Variants in SORCS3 observed in about 807,000 individuals in gnomAD.
SORCS3 encodes the protein sortilin related VPS10 domain containing receptor 3.
SORCS3 carries 57 observed loss-of-function variants against 146.3 expected under a neutral mutation model. That is an observed-to-expected ratio of 0.39 (90% CI 0.31 to 0.49). SORCS3 has a LOEUF of 0.49. SORCS3 is among the 20% of genes least tolerant of loss of function. SORCS3 has a pLI of 0.92. For missense variants in SORCS3, 1,341 were observed against 1,575.5 expected (o/e 0.85, Z 2.52); for synonymous variants, 653 against 618.5 (o/e 1.06, Z -0.83).
intron 6 of SORCS3, among the ~76,000 whole-genome samples, chr10:105,103,793 A>G (rs931010419): frequency 1.3e-4 from 20 of 152,350 alleles, no homozygotes; most frequent in Admixed American, 4.6e-4. Flanking sequence ...AAATAGTTAT[A>G]TACAGCATGT....
chr10:104,891,769 A>C (rs2018752078), intron 2 of SORCS3, among the ~76,000 whole-genome samples: 1 of 152,084 alleles, frequency 6.6e-6, no homozygotes, highest in African/African-American at 2.4e-5. Flanking sequence ...CAAAAAAGTG[A>C]GTTGTTGCCT....
At chr10:105,136,865 A>G (rs950805186) in intron 7 of SORCS3, among the ~76,000 whole-genome samples, 3 of 152,122 alleles carry the variant, frequency 2.0e-5, no homozygotes, top group African/African-American at 7.2e-5. Context: ...ACCATTCGAC[A>G]ATGCATTTAA....
At chr10:104,675,421 G>GT (rs1008787966) in intron 1 of SORCS3, among the ~76,000 whole-genome samples, 13 of 152,146 alleles carry the variant, frequency 8.5e-5, no homozygotes, top group Non-Finnish European at 1.9e-4. Context: ...ACAATTGAGT[G>GT]TTTTTTTCTT....
chr10:105,231,575 A>C (rs2056765913), intron 20 of SORCS3, among the ~76,000 whole-genome samples: 1 of 152,168 alleles, frequency 6.6e-6, no homozygotes, highest in African/African-American at 2.4e-5. Context: ...GTGAGAGGGA[A>C]CGTCCTTGCT....
intron 1 of SORCS3, among the ~76,000 whole-genome samples, chr10:104,687,810 C>T (rs571891638): frequency 6.6e-6 from 1 of 152,198 alleles, no homozygotes; most frequent in East Asian, 1.9e-4. Context: ...GCTGTGTGCC[C>T]TAAGTTCTAA....
intron 3 of SORCS3, among the ~76,000 whole-genome samples, chr10:104,940,238 A>ATTTTTTT (rs1186082602): frequency 1.9e-4 from 6 of 31,496 alleles, no homozygotes; most frequent in Non-Finnish European, 2.4e-4. Context: ...ATATATATAT[A>ATTTTTTT]TTTTTTTTTT....
chr10:105,076,149 T>C (rs998620660), intron 5 of SORCS3, among the ~76,000 whole-genome samples: 2 of 152,206 alleles, frequency 1.3e-5, no homozygotes, highest in Non-Finnish European at 2.9e-5. Context: ...TTTTGATTGT[T>C]ATATCAATTT....
intron 25 of SORCS3, among the ~76,000 whole-genome samples, chr10:105,261,225 T>G (rs562858104): frequency 2.6e-5 from 4 of 152,292 alleles, no homozygotes; most frequent in East Asian, 3.9e-4. Flanking sequence ...GTTGCATCGT[T>G]TCATGTTTAT....
chr10:104,692,672 G>T (rs1385702652), intron 1 of SORCS3, among the ~76,000 whole-genome samples: 1 of 152,190 alleles, frequency 6.6e-6, no homozygotes, highest in Non-Finnish European at 1.5e-5. Context: ...ACATTTTCAA[G>T]TGTTAAATAA....
At chr10:104,760,047 G>C (rs1423835903) in intron 1 of SORCS3, among the ~76,000 whole-genome samples, 1 of 152,240 alleles carries the variant, frequency 6.6e-6, no homozygotes, top group Non-Finnish European at 1.5e-5. Context: ...ACAGGAGTCG[G>C]TCATGCAAAG....
intron 1 of SORCS3, among the ~76,000 whole-genome samples, chr10:104,737,291 C>A (rs959683189): frequency 1.3e-5 from 2 of 151,952 alleles, no homozygotes; most frequent in African/African-American, 4.8e-5. Flanking sequence ...TGGGTATATA[C>A]CCAGTAATGG....
At chr10:104,936,454 A>G (rs1022268669) in intron 3 of SORCS3, among the ~76,000 whole-genome samples, 3 of 152,166 alleles carry the variant, frequency 2.0e-5, no homozygotes, top group African/African-American at 2.4e-5. Context: ...GAGGATTTCA[A>G]CTTGAGTGGC....
intron 3 of SORCS3, among the ~76,000 whole-genome samples, chr10:104,945,186 T>A (rs2019357352): frequency 6.6e-6 from 1 of 152,196 alleles, no homozygotes; most frequent in Admixed American, 6.5e-5. Flanking sequence ...TTGTGGTTAC[T>A]TTTGGGAGAG....
At chr10:105,134,928 C>A (rs1023703796) in intron 7 of SORCS3, among the ~76,000 whole-genome samples, 4 of 152,076 alleles carry the variant, frequency 2.6e-5, no homozygotes, top group African/African-American at 9.7e-5. Context: ...GAGGCAGATT[C>A]CCCTCCAGCT....
At chr10:104,944,198 C>T (rs538423185) in intron 3 of SORCS3, among the ~76,000 whole-genome samples, 13 of 152,272 alleles carry the variant, frequency 8.5e-5, no homozygotes, top group African/African-American at 2.9e-4. Flanking sequence ...ACTCCTCTTA[C>T]TTCGACAAAA....
chr10:104,646,924 G>A (rs538265099), intron 1 of SORCS3, among the ~76,000 whole-genome samples: 1 of 152,214 alleles, frequency 6.6e-6, no homozygotes, highest in South Asian at 2.1e-4. Flanking sequence ...CTCTGACTTT[G>A]TTGGTAGTCA....
At chr10:104,904,622 A>G (rs999706730) in intron 2 of SORCS3, among the ~76,000 whole-genome samples, 1 of 151,894 alleles carries the variant, frequency 6.6e-6, no homozygotes, top group African/African-American at 2.4e-5. Flanking sequence ...TTTGAAAAAT[A>G]TGTAACAATA....
intron 3 of SORCS3, among the ~76,000 whole-genome samples, chr10:104,936,935 A>T (rs2019266044): frequency 6.6e-6 from 1 of 152,208 alleles, no homozygotes; most frequent in Non-Finnish European, 1.5e-5. Flanking sequence ...TTAGAGGAAG[A>T]TGTGGCAGAG....
At chr10:104,790,499 A>C (rs2017484282) in intron 1 of SORCS3, among the ~76,000 whole-genome samples, 1 of 152,158 alleles carries the variant, frequency 6.6e-6, no homozygotes, top group African/African-American at 2.4e-5. Flanking sequence ...CAGTTTTCTC[A>C]TCTAGTGGCT....
Sources: allele counts gnomAD v4.1 joint callset (sites outside exome capture counted in the v4.1 genomes callset), GRCh38; gene constraint gnomAD v4.1.1; transcripts MANE v1.5; gene names NCBI Gene and HGNC (gene_info 2026-07-23, HGNC 2026-07-21).